The following NDOR1 variants were observed in gnomAD, a reference collection of about 807,000 sequenced individuals.
NDOR1 encodes the protein NADPH dependent diflavin oxidoreductase 1.
A neutral mutation model predicts 67.2 loss-of-function variants in NDOR1; 61 were observed. The observed-to-expected ratio is 0.91, with a 90% CI of 0.74 to 1.12. NDOR1 has a LOEUF of 1.12. Among genes scored for constraint, NDOR1 ranks in the 50% most tolerant of loss-of-function variants. NDOR1 has a pLI of 0.00. For missense variants in NDOR1, 878 were observed against 802.8 expected, an observed-to-expected ratio of 1.09 and a Z score of -1.13; for synonymous variants, 378 against 343.7, an observed-to-expected ratio of 1.10 and a Z score of -1.10.
intron 2 of NDOR1, among the ~76,000 whole-genome samples, chr9:137,206,985 C>T (rs991422427): frequency 9.9e-5 from 15 of 152,072 alleles, no homozygotes; most frequent in African/African-American, 3.1e-4. Context: ...TGGAAAGCAG[C>T]TCAGGGTGGC....
intron 2 of NDOR1, among the ~76,000 whole-genome samples, chr9:137,206,813 G>T (rs1277584131): frequency 6.6e-6 from 1 of 152,174 alleles, no homozygotes; most frequent in Non-Finnish European, 1.5e-5. Context: ...ACTGATAAGG[G>T]GCATCGAGCC....
In NDOR1 at chr9:137,216,379, A is replaced by G. The variant is rs753667754; in HGVS notation, c.1757A>G (p.Gln586Arg). ...PDAAAYLARL[Q>R]QTRRFQTETW... Reference sequence around the variant, plus strand: ...GCAGCCGCGTATCTAGCCAGGCTCCAGCAGACACGGCGCTTCCAGACAGAG... The same window carrying G: ...GCAGCCGCGTATCTAGCCAGGCTCCGGCAGACACGGCGCTTCCAGACAGAG... Residue 586 changes from glutamine to arginine, a missense_variant, in exon 14 of 14, where the codon CAG (glutamine) becomes CGG (arginine). Coordinates refer to ENST00000684003, the MANE Select transcript of NDOR1 (RefSeq NM_014434.4). 9 of 1,607,264 alleles carry G rather than the reference A, an allele frequency of 5.6e-6. No individual in the cohort carries two copies. Among genetic ancestry groups the G allele is most frequent in the South Asian group, 3.3e-5 (3 of 91,086 alleles).
Position 137,214,198 on chromosome 9 carries a change from C to T in NDOR1, c.513-6C>T. The T allele has an allele frequency of 4.4e-6, 7 of 1,608,324 alleles. No homozygotes were observed. The highest frequency in any genetic ancestry group is 5.1e-6 in the Non-Finnish European group (6 of 1,178,678). The stretch of plus-strand genomic sequence containing the variant: ...GTCCTGGTCTGACCAGCGTGCCCTC[C>T]CACAGCCTGCCCTCCAAGTTCACCC... On this transcript the variant is annotated splice_region_variant and splice_polypyrimidine_tract_variant and intron_variant, in intron 5 of 13. Transcript: ENST00000684003.
At chr9:137,213,565 GC>G (rs1835364405) in intron 3 of NDOR1, among the ~76,000 whole-genome samples, 1 of 151,980 alleles carries the variant, frequency 6.6e-6, no homozygotes, top group East Asian at 1.9e-4. Context: ...CTGCTGCTTG[GC>G]ACCCTGGCAG....
chr9:137,212,302 G>A lies in NDOR1; in HGVS notation c.214-200G>A, dbSNP rs1039178443. 4.6e-5 allele frequency among the ~76,000 whole-genome samples: 7 copies of A among 152,060 alleles called. No homozygotes were observed. The East Asian group carries it at 5.8e-4, about 13-fold the overall frequency. On this transcript the variant is annotated intron_variant, in intron 2 of 13. Transcript: ENST00000684003. This position sits in a 1 kb window ranked among gnomAD's most constrained non-coding sequence, Gnocchi z 4.3. Reference sequence around the variant, plus strand: ...AGGGTGGGACCTGGTCTCCCTAGACGCTGGACCAGCCCTGCCTCCTCCCGG... The same window carrying A: ...AGGGTGGGACCTGGTCTCCCTAGACACTGGACCAGCCCTGCCTCCTCCCGG...
At position 137,205,842 on chromosome 9, in the gene NDOR1, A is replaced by G. The variant is rs1382749341; in HGVS notation, c.65A>G (p.Glu22Gly). The G allele has an allele frequency of 3.7e-6, 6 of 1,604,416 alleles. No individual in the cohort carries two copies. Among genetic ancestry groups the G allele is most frequent in the Non-Finnish European group, 5.1e-6 (6 of 1,179,298 alleles). The change falls in exon 1 of 14, where the codon GAG becomes GGG. Residue 22 changes from glutamate to glycine, a missense_variant. Coordinates refer to ENST00000684003, the MANE Select transcript of NDOR1 (RefSeq NM_014434.4). ...SQTGTAQDVS[E>G]RLGREARRRR... The stretch of plus-strand genomic sequence containing the variant: ...ACAGGCACGGCTCAGGATGTGTCGG[A>G]GAGACTGGGTCGCGAGGCCCGGCGC...
chr9:137,218,730 C>T lies in NDOR1; in HGVS notation c.*2314C>T. On this transcript the variant is annotated 3_prime_UTR_variant, in exon 14 of 14. Transcript: ENST00000684003. The stretch of plus-strand genomic sequence containing the variant: ...CCCAAGGTTGGGTCCAGGGCAGTGG[C>T]CTTCAATCAAGACCTCCCATTGCTG... The T allele has an allele frequency of 2.5e-6, 1 of 397,490 alleles. No individual in the cohort carries two copies. Among genetic ancestry groups the T allele is most frequent in the Non-Finnish European group, 4.4e-6 (1 of 225,762 alleles). 24.6% of individuals were successfully genotyped at this position (397,490 alleles called of 1,614,324 possible).
At chr9:137,208,698 C>A (rs1037403210) in intron 2 of NDOR1, among the ~76,000 whole-genome samples, 1 of 151,912 alleles carries the variant, frequency 6.6e-6, no homozygotes, top group East Asian at 2.0e-4. Context: ...GTGGCTCATG[C>A]CTGTGATCAC....
rs1835327576 is a variant in NDOR1, at chr9:137,212,786, C to T, written c.311+187C>T. On this transcript the variant is annotated intron_variant, in intron 3 of 13. Transcript: ENST00000684003. The surrounding 1 kb of genome is among the most constrained non-coding windows in gnomAD (Gnocchi z 4.3). Reference sequence around the variant, plus strand: ...CAGGCTTCACGCTGCGGGGAGGGCACAGAGGGGAGCAGGCAGGGTGGCAAA... The same window carrying T: ...CAGGCTTCACGCTGCGGGGAGGGCATAGAGGGGAGCAGGCAGGGTGGCAAA... 1.7e-6 allele frequency: 1 copy of T among 592,234 alleles called. No homozygotes were observed. Among genetic ancestry groups the T allele is most frequent in the Non-Finnish European group, 3.0e-6 (1 of 330,898 alleles). 36.7% of individuals were successfully genotyped at this position (592,234 alleles called of 1,614,324 possible). A position where few individuals can be genotyped will look rare whatever the true frequency, so the allele number is the denominator to read the frequency against.
In NDOR1 at chr9:137,215,190, C is replaced by T. The variant is rs2131376010; in HGVS notation, c.1161C>T (p.Ala387=). 1 of 1,611,768 alleles carries T rather than the reference C, an allele frequency of 6.2e-7. No homozygotes were observed. Among genetic ancestry groups the T allele is most frequent in the Non-Finnish European group, 8.5e-7 (1 of 1,179,562 alleles). The change falls in exon 9 of 14, where the codon GCC becomes GCT. Residue 387 remains alanine, a synonymous_variant. Transcript: ENST00000684003. The part of the protein sequence containing the change: ...PVIRPRAFSI[A]SSLLTHPSRL... The stretch of plus-strand genomic sequence containing the variant: ...TCCGGCCGAGGGCCTTCTCCATCGC[C>T]TCCTCGCTGCTGGTGAGGGGCCTGG...
Position 137,216,314 on chromosome 9 carries a change from G to C in NDOR1, c.1692G>C (p.Met564Ile). 3 of 1,612,140 alleles carry C rather than the reference G, an allele frequency of 1.9e-6. No homozygotes were observed. The highest frequency in any genetic ancestry group is 2.5e-6 in the Non-Finnish European group (3 of 1,179,996). Residue 564 changes from methionine to isoleucine, a missense_variant, in exon 14 of 14, where the codon ATG becomes ATC. By Grantham distance (10) the Met-to-Ile change is conservative. Coordinates refer to ENST00000684003, the MANE Select transcript of NDOR1 (RefSeq NM_014434.4). ...CAGCGGACGTCTCGGAAGCCCTGAT[G>C]TCCATCTTCCAGGAGGAGGGTGGAC... ...SMPADVSEAL[M>I]SIFQEEGGLC...
Position 137,218,079 on chromosome 9 carries a change from C to T in NDOR1, c.*1663C>T, listed in dbSNP as rs965676566. The T allele has an allele frequency of 1.8e-5, 7 of 398,908 alleles. No individual in the cohort carries two copies. The highest frequency in any genetic ancestry group is 4.1e-5 in the African/African-American group (2 of 48,570). 24.7% of individuals were successfully genotyped at this position (398,908 alleles called of 1,614,324 possible). A position where few individuals can be genotyped will look rare whatever the true frequency, so the allele number is the denominator to read the frequency against. ...GGGCAGGGGGAAGAGGAGGAGTGCC[C>T]GATCTGCACAGAGCCCTACGGGCCC... is the stretch of plus-strand genomic sequence containing the variant. On this transcript the variant is annotated 3_prime_UTR_variant, in exon 14 of 14. Coordinates refer to ENST00000684003, the MANE Select transcript of NDOR1 (RefSeq NM_014434.4).
Position 137,205,922 on chromosome 9 carries a change from C to T in NDOR1, c.135+10C>T, listed in dbSNP as rs368691370. The T allele has an allele frequency of 2.2e-4, 342 of 1,578,844 alleles. No individual in the cohort carries two copies. Among genetic ancestry groups the T allele is most frequent in the Non-Finnish European group, 2.7e-4 (318 of 1,167,720 alleles). On this transcript the variant is annotated intron_variant, in intron 1 of 13. Coordinates refer to ENST00000684003, the MANE Select transcript of NDOR1 (RefSeq NM_014434.4). ...GGACTCCTACCCGGTGGTGAGGGCT[C>T]GCTAGGGCCTCGGCGTGGGGGACGA... is the stretch of plus-strand genomic sequence containing the variant.
At position 137,212,784 on chromosome 9, in the gene NDOR1, C is replaced by T; in HGVS notation, c.311+185C>T. ...CCCAGGCTTCACGCTGCGGGGAGGG[C>T]ACAGAGGGGAGCAGGCAGGGTGGCA... On this transcript the variant is annotated intron_variant, in intron 3 of 13. Transcript: ENST00000684003. This position sits in a 1 kb window ranked among gnomAD's most constrained non-coding sequence, Gnocchi z 4.3. 1.7e-6 allele frequency: 1 copy of T among 598,220 alleles called. No individual in the cohort carries two copies. Among genetic ancestry groups the T allele is most frequent in the Non-Finnish European group, 3.0e-6 (1 of 334,646 alleles). 37.1% of individuals were successfully genotyped at this position (598,220 alleles called of 1,614,324 possible).
Position 137,214,361 on chromosome 9 carries a change from C to A in NDOR1, c.670C>A (p.His224Asn). 6.2e-7 allele frequency: 1 copy of A among 1,614,204 alleles called. No homozygotes were observed. Among genetic ancestry groups the A allele is most frequent in the South Asian group, 1.1e-5 (1 of 91,088 alleles). ...CAACCAGAGAGTCACCGGCCCCTCC[C>A]ACTTCCAGGACGTTCGGCTGATTGA... ...ISNQRVTGPS[H>N]FQDVRLIEFD... Residue 224 changes from histidine to asparagine, a missense_variant, in exon 6 of 14, where the codon CAC (histidine) becomes AAC (asparagine). Transcript: ENST00000684003.
chr9:137,206,254 T>G lies in NDOR1; in HGVS notation c.158T>G (p.Leu53Arg). The part of the protein sequence containing the change: ...YPVVNLINEP[L>R]VIFVCATTGQ... ...GAGGTGAATCTGATTAACGAGCCCC[T>G]GGTGATATTTGTTTGTGCAACTACA... Residue 53 changes from leucine to arginine, a missense_variant, in exon 2 of 14, where the codon CTG becomes CGG. Leu to Arg is a moderately radical substitution (Grantham distance 102). Coordinates refer to ENST00000684003, the MANE Select transcript of NDOR1 (RefSeq NM_014434.4). 1 of 1,614,002 alleles carries G rather than the reference T, an allele frequency of 6.2e-7. No homozygotes were observed. The highest frequency in any genetic ancestry group is 8.5e-7 in the Non-Finnish European group (1 of 1,179,994).
At position 137,213,511 on chromosome 9, in the gene NDOR1, G is replaced by A. The variant is rs138531088; in HGVS notation, c.312-269G>A. ...GAGGGCCCATCAGTGGGACGAGGCCGCCTGCTCCCACCCACACAGGCTCAT... is the reference window on the plus strand; with the variant it reads ...GAGGGCCCATCAGTGGGACGAGGCCACCTGCTCCCACCCACACAGGCTCAT... On this transcript the variant is annotated intron_variant, in intron 3 of 13. Coordinates refer to ENST00000684003, the MANE Select transcript of NDOR1 (RefSeq NM_014434.4). 3.7e-3 allele frequency among the ~76,000 whole-genome samples: 560 copies of A among 152,280 alleles called. 2 individuals are homozygous for A. Among genetic ancestry groups the A allele is most frequent in the African/African-American group, 0.013 (523 of 41,564 alleles).
At chr9:137,210,798 G>C (rs753565966) in intron 2 of NDOR1, among the ~76,000 whole-genome samples, 2 of 152,104 alleles carry the variant, frequency 1.3e-5, no homozygotes, top group Non-Finnish European at 2.9e-5. Context: ...AGTGAGCTGT[G>C]ATTTCAAGAC....
intron 1 of NDOR1, 73 bp downstream of exon 1, chr9:137,205,985 CA>C: frequency 1.3e-6 from 2 of 1,494,356 alleles, no homozygotes; most frequent in Non-Finnish European, 1.8e-6. Flanking sequence ...GTCATCGACC[CA>C]AAAGGCGTCG....
Sources: allele counts gnomAD v4.1 joint callset (sites outside exome capture counted in the v4.1 genomes callset), GRCh38; gene constraint gnomAD v4.1.1; non-coding constraint Gnocchi (gnomAD v3.1); transcripts MANE v1.5; gene names NCBI Gene and HGNC (gene_info 2026-07-23, HGNC 2026-07-21).